The following BLNK variants were observed in gnomAD, a reference collection of about 807,000 sequenced individuals.
BLNK encodes the protein B-cell linker protein.
A neutral mutation model predicts 73.5 loss-of-function variants in BLNK; 29 were observed. The ratio of observed to expected loss-of-function variants is 0.39; its 90% confidence interval spans 0.29 to 0.54. BLNK has a LOEUF of 0.54. BLNK is among the 20% of genes least tolerant of loss of function. The pLI is 0.61. For synonymous variants in BLNK, 176 were observed against 200.8 expected, an observed-to-expected ratio of 0.88 and a Z score of 1.04; for missense variants, 460 against 562.8, an observed-to-expected ratio of 0.82 and a Z score of 1.85.
chr10:96,228,456 C>G (rs1842367132), intron 4 of BLNK, among the ~76,000 whole-genome samples: 1 of 152,134 alleles, frequency 6.6e-6, no homozygotes, highest in African/African-American at 2.4e-5. Context: ...GGGGTTTCAC[C>G]ATGTTGGCCA....
intron 6 of BLNK, among the ~76,000 whole-genome samples, chr10:96,220,239 A>G (rs1418184965): frequency 1.3e-5 from 2 of 152,110 alleles, no homozygotes; most frequent in Admixed American, 6.5e-5. Context: ...TCTTCTGTCT[A>G]TTAAACTTTC....
intron 4 of BLNK, among the ~76,000 whole-genome samples, chr10:96,229,825 T>C (rs1450267979): frequency 6.6e-6 from 1 of 152,072 alleles, no homozygotes; most frequent in Non-Finnish European, 1.5e-5. Flanking sequence ...TCATTTTTCT[T>C]TTCTTTTTCT....
chr10:96,204,139 G>C (rs782545842), intron 12 of BLNK, 51 bp from the exon 13 acceptor site: 14 of 1,601,384 alleles, frequency 8.7e-6, no homozygotes, highest in Non-Finnish European at 1.2e-5. Flanking sequence ...ATATGAGTAA[G>C]TTTGACTTTT....
chr10:96,266,430 G>C (rs1554914307), intron 1 of BLNK, among the ~76,000 whole-genome samples: 1 of 152,212 alleles, frequency 6.6e-6, no homozygotes, highest in African/African-American at 2.4e-5. Flanking sequence ...GTGGACTCTG[G>C]TTTAGGGTTT....
chr10:96,198,066 A>G (rs1356739918), intron 15 of BLNK, among the ~76,000 whole-genome samples: 4 of 152,030 alleles, frequency 2.6e-5, no homozygotes, highest in Admixed American at 2.0e-4. Flanking sequence ...ATGAAATGCA[A>G]CAAGAGTTGA....
intron 12 of BLNK, 93 bp downstream of exon 12, chr10:96,204,439 C>A: frequency 2.9e-6 from 4 of 1,380,954 alleles, no homozygotes; most frequent in Non-Finnish European, 3.1e-6. Flanking sequence ...TTACCTAGCA[C>A]TGCAAGTCAG....
At chr10:96,197,096 G>C in intron 15 of BLNK, 33 bp from the exon 16 acceptor site, 1 of 1,557,298 alleles carries the variant, frequency 6.4e-7, no homozygotes, top group South Asian at 1.2e-5. Context: ...CATAATTATG[G>C]TTAGTATTAC....
chr10:96,244,161 A>G (rs1254921443), intron 2 of BLNK, among the ~76,000 whole-genome samples: 2 of 152,154 alleles, frequency 1.3e-5, no homozygotes, highest in Non-Finnish European at 2.9e-5. Context: ...TTCTCCTCAC[A>G]AGCCAGCAGG....
At chr10:96,238,479 T>G (rs1412759770) in intron 3 of BLNK, among the ~76,000 whole-genome samples, 3 of 152,174 alleles carry the variant, frequency 2.0e-5, no homozygotes, top group African/African-American at 7.2e-5. Flanking sequence ...CCTCCCAGGC[T>G]CAGGAGGTCT....
intron 3 of BLNK, among the ~76,000 whole-genome samples, chr10:96,241,488 G>A (rs782011564): frequency 1.3e-5 from 2 of 152,154 alleles, no homozygotes; most frequent in African/African-American, 2.4e-5. Flanking sequence ...GATCCTAGTT[G>A]GAATGAGGTT....
intron 1 of BLNK, among the ~76,000 whole-genome samples, chr10:96,256,204 A>G (rs1176005923): frequency 6.6e-6 from 1 of 152,112 alleles, no homozygotes; most frequent in Non-Finnish European, 1.5e-5. Flanking sequence ...TATCCTTAGA[A>G]CATCTGTGCT....
rs1261834964 is a variant in BLNK at position 96,190,084 on chromosome 10, G to A, written c.*1889C>T. On this transcript the variant is annotated 3_prime_UTR_variant, in exon 17 of 17. Coordinates refer to ENST00000224337, the MANE Select transcript of BLNK (RefSeq NM_013314.4). The stretch of plus-strand genomic sequence containing the variant: ...CTTTGCACCAGCCCCTAAACTGACC[G>A]TTCTTAAGGATAACTGGTGCTCATT... 6.8e-6 allele frequency: 6 copies of A among 879,078 alleles called. No homozygotes were observed. The highest frequency in any genetic ancestry group is 1.3e-5 in the South Asian group (1 of 76,652). The allele number at this position is 879,078 out of a possible 1,614,324, so 54.5% of individuals were successfully genotyped here.
At chr10:96,204,984 C>T in intron 11 of BLNK, 1 of 324,732 alleles carries the variant, frequency 3.1e-6, no homozygotes. Context: ...TGCCATGTGG[C>T]CTCCACACAG....
intron 1 of BLNK, among the ~76,000 whole-genome samples, chr10:96,270,041 T>C (rs1190321598): frequency 1.3e-5 from 2 of 152,196 alleles, no homozygotes; most frequent in African/African-American, 4.8e-5. Context: ...ACAGCTTCCA[T>C]TGTATCACCC....
At chr10:96,270,867 C>G (rs1313450699) in intron 1 of BLNK, among the ~76,000 whole-genome samples, 1 of 151,998 alleles carries the variant, frequency 6.6e-6, no homozygotes, top group Non-Finnish European at 1.5e-5. Context: ...CAGATCTAAT[C>G]CCCCCAAACA....
chr10:96,250,543 AC>A (rs1554908903), intron 1 of BLNK, among the ~76,000 whole-genome samples: 1 of 152,076 alleles, frequency 6.6e-6, no homozygotes, highest in African/African-American at 2.4e-5. Context: ...GCTGACTGTA[AC>A]TGAATGGAGT....
At chr10:96,240,636 G>C (rs935495414) in intron 3 of BLNK, among the ~76,000 whole-genome samples, 2 of 152,094 alleles carry the variant, frequency 1.3e-5, no homozygotes, top group Non-Finnish European at 2.9e-5. Context: ...GAAATTGATT[G>C]TATCTATATC....
In BLNK at chr10:96,194,809, C is replaced by T. The variant is rs1283559033; in HGVS notation, c.1251+2099G>A. Among the ~76,000 whole-genome samples the T allele has an allele frequency of 5.3e-5, 7 of 131,076 alleles. No individual in the cohort carries two copies. In the East Asian group the frequency reaches 1.6e-3, roughly 29 times the overall value. The allele number at this position is 131,076 out of a possible 152,430, so 86.0% of individuals were successfully genotyped here. A position where few individuals can be genotyped will look rare whatever the true frequency, so the allele number is the denominator to read the frequency against. On this transcript the variant is annotated intron_variant, in intron 16 of 16. Coordinates refer to ENST00000224337, the MANE Select transcript of BLNK (RefSeq NM_013314.4). ...TTTTTGAGACGGAGTCTCGCTCTGT[C>T]GCCCAGGCTGGAGTGCAGTGGCGCG...
At chr10:96,233,814 A>G (rs1842598251) in intron 3 of BLNK, among the ~76,000 whole-genome samples, 1 of 152,212 alleles carries the variant, frequency 6.6e-6, no homozygotes, top group Non-Finnish European at 1.5e-5. Context: ...GGCCTATCTA[A>G]TTTATCTTTG....
Sources: allele counts gnomAD v4.1 joint callset (sites outside exome capture counted in the v4.1 genomes callset), GRCh38; gene constraint gnomAD v4.1.1; transcripts MANE v1.5; gene names NCBI Gene and HGNC (gene_info 2026-07-23, HGNC 2026-07-21).